FOXP2: variants seen among roughly 807,000 people sequenced by gnomAD.
FOXP2 encodes the protein forkhead box protein P2.
FOXP2 carries 12 observed loss-of-function variants against 115.8 expected under a neutral mutation model. The ratio of observed to expected loss-of-function variants is 0.10; its 90% confidence interval spans 0.07 to 0.17. The LOEUF is 0.17. Among genes scored for constraint, FOXP2 ranks in the 10% least tolerant of loss-of-function variants. FOXP2 has a pLI of 1.00. For missense variants in FOXP2, 629 were observed against 843.5 expected (o/e 0.75, Z 3.15); for synonymous variants, 328 against 297.7 (o/e 1.10, Z -1.05).
chr7:114,362,110 G>C (rs1337430319), intron 2 of FOXP2, among the ~76,000 whole-genome samples: 1 of 151,038 alleles, frequency 6.6e-6, no homozygotes, highest in Admixed American at 6.6e-5. Context: ...AGTGTTTAAA[G>C]AAAGAGACAA....
chr7:114,509,671 G>C (rs1797979101), intron 2 of FOXP2, among the ~76,000 whole-genome samples: 2 of 42,612 alleles, frequency 4.7e-5, no homozygotes, highest in South Asian at 6.7e-4. Flanking sequence ...TTTCTTTGGT[G>C]GGGGGGGGGC....
chr7:114,515,866 C>T (rs1377321674), intron 2 of FOXP2, among the ~76,000 whole-genome samples: 2 of 152,074 alleles, frequency 1.3e-5, no homozygotes, highest in South Asian at 2.1e-4. Flanking sequence ...TGTGAAGGAC[C>T]TCTTCAAGGA....
chr7:114,315,283 A>G (rs576577103), intron 2 of FOXP2, among the ~76,000 whole-genome samples: 3 of 152,308 alleles, frequency 2.0e-5, no homozygotes, highest in Admixed American at 6.5e-5. Flanking sequence ...TCATTTATCT[A>G]TTATTCACAA....
At chr7:114,386,481 T>C (rs1792457092) in intron 2 of FOXP2, among the ~76,000 whole-genome samples, 1 of 152,232 alleles carries the variant, frequency 6.6e-6, no homozygotes, top group African/African-American at 2.4e-5. Flanking sequence ...CCCTGGATCA[T>C]AGAAGTCCTA....
chr7:114,462,999 A>G, intron 2 of FOXP2: 1 of 366,794 alleles, frequency 2.7e-6, no homozygotes, highest in Non-Finnish European at 5.3e-6. Flanking sequence ...TCCAAGATGC[A>G]GTATATGCAT....
At chr7:114,459,110 A>T (rs991654139) in intron 2 of FOXP2, among the ~76,000 whole-genome samples, 9 of 152,134 alleles carry the variant, frequency 5.9e-5, no homozygotes, top group African/African-American at 2.2e-4. Flanking sequence ...TCAGCATGGC[A>T]CCTGGCTACC....
At chr7:114,343,992 T>C (rs1791276078) in intron 2 of FOXP2, among the ~76,000 whole-genome samples, 1 of 106,594 alleles carries the variant, frequency 9.4e-6, no homozygotes, top group Admixed American at 1.0e-4. Flanking sequence ...CATTAATTTT[T>C]TTCTGACTAT....
chr7:114,286,144 A>G (rs1796461392), intron 1 of FOXP2, among the ~76,000 whole-genome samples: 1 of 151,930 alleles, frequency 6.6e-6, no homozygotes, highest in African/African-American at 2.4e-5. Flanking sequence ...TGCTCTATAC[A>G]GTAAGCCAAC....
chr7:114,186,943 G>C (rs1793622637), intron 1 of FOXP2, among the ~76,000 whole-genome samples: 1 of 152,212 alleles, frequency 6.6e-6, no homozygotes, highest in East Asian at 1.9e-4. Flanking sequence ...TCAGGGTAAG[G>C]AATGCTGAGG....
chr7:114,523,152 T>A (rs1390241288), intron 2 of FOXP2, among the ~76,000 whole-genome samples: 1 of 152,130 alleles, frequency 6.6e-6, no homozygotes, highest in Admixed American at 6.6e-5. Flanking sequence ...CCCTGTAAAA[T>A]TTGTAAATTG....
chr7:114,086,920 AG>A (rs1351149862), upstream of FOXP2, among the ~76,000 whole-genome samples: 1 of 152,148 alleles, frequency 6.6e-6, no homozygotes, highest in Non-Finnish European at 1.5e-5. Flanking sequence ...GATGATTTTT[AG>A]TTTGGATAAT....
chr7:114,661,053 T>G (rs1007841178), intron 13 of FOXP2, among the ~76,000 whole-genome samples: 2 of 24,876 alleles, frequency 8.0e-5, no homozygotes, highest in South Asian at 2.2e-3. Context: ...CTGCTTATGC[T>G]TTTTTTTTTT....
chr7:114,281,002 CTCTG>C (rs1316522455), intron 1 of FOXP2, among the ~76,000 whole-genome samples: 2 of 151,726 alleles, frequency 1.3e-5, no homozygotes, highest in Non-Finnish European at 2.9e-5. Context: ...TGTCTTTTAT[CTCTG>C]TCTCTCTAGC....
intron 2 of FOXP2, among the ~76,000 whole-genome samples, chr7:114,458,805 C>G (rs996564302): frequency 2.0e-5 from 3 of 152,066 alleles, no homozygotes; most frequent in African/African-American, 7.2e-5. Context: ...TCCAAAGGTT[C>G]AAATACACCA....
chr7:114,235,556 G>C (rs1050160456), intron 1 of FOXP2, among the ~76,000 whole-genome samples: 4 of 152,132 alleles, frequency 2.6e-5, no homozygotes, highest in Non-Finnish European at 5.9e-5. Flanking sequence ...ACAAAATGTA[G>C]TATATTGTCT....
At chr7:114,477,959 C>CA (rs1465696933) in intron 2 of FOXP2, among the ~76,000 whole-genome samples, 1 of 151,764 alleles carries the variant, frequency 6.6e-6, no homozygotes, top group Non-Finnish European at 1.5e-5. Context: ...CAAAGTTCTA[C>CA]AAAAACTTCT....
chr7:114,484,552 A>G (rs1796691341), intron 2 of FOXP2, among the ~76,000 whole-genome samples: 1 of 151,972 alleles, frequency 6.6e-6, no homozygotes, highest in Admixed American at 6.6e-5. Context: ...AATGACTTTT[A>G]AACATTTCTT....
intron 3 of FOXP2, among the ~76,000 whole-genome samples, chr7:114,548,109 T>C (rs1444953903): frequency 6.6e-6 from 1 of 152,210 alleles, no homozygotes; most frequent in Non-Finnish European, 1.5e-5. Context: ...TTTGTCTTCA[T>C]GGCCACAAGA....
At chr7:114,311,303 G>A (rs1156698411) in intron 2 of FOXP2, among the ~76,000 whole-genome samples, 1 of 152,124 alleles carries the variant, frequency 6.6e-6, no homozygotes, top group Admixed American at 6.5e-5. Context: ...TTGGGGAAAT[G>A]GATAAAGGTC....
Sources: allele counts gnomAD v4.1 joint callset (sites outside exome capture counted in the v4.1 genomes callset), GRCh38; gene constraint gnomAD v4.1.1; transcripts MANE v1.5; gene names NCBI Gene and HGNC (gene_info 2026-07-23, HGNC 2026-07-21).